VAV3: variants seen among roughly 807,000 people sequenced by gnomAD.
VAV3 encodes guanine nucleotide exchange factor VAV3.
Under a neutral mutation model 131.2 loss-of-function variants are expected in VAV3, and 94 were observed. The ratio of observed to expected loss-of-function variants is 0.72; its 90% CI spans 0.61 to 0.85. The LOEUF is 0.85. Ranked by LOEUF, VAV3 falls within the 40% of genes least tolerant of loss-of-function variation. The pLI, the probability that VAV3 is intolerant of heterozygous loss-of-function variation, is 0.00. For missense variants in VAV3, 939 were observed against 1,002.7 expected (o/e 0.94, Z 0.86); for synonymous variants, 349 against 342.0 (o/e 1.02, Z -0.22).
chr1:107,622,718 G>A (rs75387390), intron 20 of VAV3, among the ~76,000 whole-genome samples: 1 of 152,160 alleles, frequency 6.6e-6, no homozygotes, highest in Non-Finnish European at 1.5e-5. Flanking sequence ...AGATTACTAA[G>A]CAATTTATCA....
At chr1:107,697,187 A>G (rs1659797694) in intron 17 of VAV3, among the ~76,000 whole-genome samples, 1 of 152,146 alleles carries the variant, frequency 6.6e-6, no homozygotes, top group Non-Finnish European at 1.5e-5. Flanking sequence ...CTACTGATGG[A>G]ATGATACAGA....
At position 107,683,485 on chromosome 1, in the gene VAV3, C is replaced by A; in HGVS notation, c.1777+3G>T. 8 of 1,613,976 alleles carry A rather than the reference C, an allele frequency of 5.0e-6. No individual in the cohort carries two copies. The highest frequency in any genetic ancestry group is 6.8e-6 in the Non-Finnish European group (8 of 1,179,880). ...ATTATGGAAGGTTTAATCAGAAACA[C>A]ACCTGGATCCACCTGTTTAGGAGTT... On this transcript the variant is annotated splice_donor_region_variant and intron_variant, in intron 19 of 26. Transcript: ENST00000370056.
intron 18 of VAV3, among the ~76,000 whole-genome samples, chr1:107,683,766 A>G (rs1658822046): frequency 6.6e-6 from 1 of 152,194 alleles, no homozygotes; most frequent in Admixed American, 6.5e-5. Flanking sequence ...TTATAACAGT[A>G]AGAAAAAAAA....
At chr1:107,602,949 G>C in intron 23 of VAV3, 98 bp downstream of exon 23, 2 of 846,020 alleles carry the variant, frequency 2.4e-6, no homozygotes, top group Non-Finnish European at 3.8e-6. Flanking sequence ...CCTTCAATTA[G>C]AACTTTGGTT....
intron 2 of VAV3, among the ~76,000 whole-genome samples, chr1:107,844,630 T>TG (rs1422082892): frequency 6.6e-6 from 1 of 151,992 alleles, no homozygotes; most frequent in Non-Finnish European, 1.5e-5. Context: ...TCCAGCTTGG[T>TG]GGGGGAGGGA....
chr1:107,573,004 T>C lies in VAV3; in HGVS notation c.*327A>G. On this transcript the variant is annotated 3_prime_UTR_variant, in exon 27 of 27. Coordinates refer to ENST00000370056, the MANE Select transcript of VAV3 (RefSeq NM_006113.5). ...ATTTACTGATGACTGGCATTCATGG[T>C]ATCTGACCAGAAGAAGTAAAGGGAA... The C allele has an allele frequency of 3.1e-6, 1 of 320,038 alleles. No homozygotes were observed. The allele number at this position is 320,038 out of a possible 1,614,324, so 19.8% of individuals were successfully genotyped here.
chr1:107,846,607 G>A lies in VAV3; in HGVS notation c.321+28294C>T, dbSNP rs115682595. On this transcript the variant is annotated intron_variant, in intron 2 of 26. Coordinates refer to ENST00000370056, the MANE Select transcript of VAV3 (RefSeq NM_006113.5). ...AAATGGAAACCAAAAATAAAGGAGC[G>A]GTTGCAATCCTAGTCTCTGAGTCTC... Among the ~76,000 whole-genome samples the A allele has an allele frequency of 7.6e-3, 1,154 of 152,092 alleles. 15 individuals carry two copies. Among genetic ancestry groups the A allele is most frequent in the African/African-American group, 0.017 (695 of 41,466 alleles).
At chr1:107,654,392 A>G (rs1656391365) in intron 19 of VAV3, among the ~76,000 whole-genome samples, 1 of 152,024 alleles carries the variant, frequency 6.6e-6, no homozygotes, top group Admixed American at 6.5e-5. Flanking sequence ...TTGGAAATAT[A>G]TATTGTCTCC....
rs1218319448 is a variant in VAV3, at chr1:107,779,442, T to C, written c.372A>G (p.Thr124=). Residue 124 remains threonine, a synonymous_variant, in exon 3 of 27, where the codon ACA becomes ACG. Coordinates refer to ENST00000370056, the MANE Select transcript of VAV3 (RefSeq NM_006113.5). ...ACGAAAACAGAGCTTACCTGATTCC[T>C]GTGGCCAATGCTATAGGTGTTCGAG... is the stretch of plus-strand genomic sequence containing the variant. The part of the protein sequence containing the change: ...RLSRTPIALA[T]GIRPFPTEES... 6.3e-7 allele frequency: 1 copy of C among 1,589,984 alleles called. No individual in the cohort carries two copies. The highest frequency in any genetic ancestry group is 1.8e-5 in the Admixed American group (1 of 57,140).
At chr1:107,676,439 G>C (rs937535262) in intron 19 of VAV3, among the ~76,000 whole-genome samples, 14 of 152,164 alleles carry the variant, frequency 9.2e-5, no homozygotes, top group Non-Finnish European at 2.1e-4. Flanking sequence ...CTCCACATGA[G>C]AAAAACCTCT....
At chr1:107,613,460 A>T (rs1652907406) in intron 21 of VAV3, among the ~76,000 whole-genome samples, 1 of 152,054 alleles carries the variant, frequency 6.6e-6, no homozygotes, top group Non-Finnish European at 1.5e-5. Context: ...TTCCTACACA[A>T]CTGTGTCTGA....
At chr1:107,773,145 GCATT>G (rs1007373206) in intron 4 of VAV3, among the ~76,000 whole-genome samples, 2 of 152,148 alleles carry the variant, frequency 1.3e-5, no homozygotes, top group African/African-American at 2.4e-5. Context: ...GATCAGGTGT[GCATT>G]ATTATTTAAT....
intron 17 of VAV3, among the ~76,000 whole-genome samples, chr1:107,702,784 CCCA>C (rs757748801): frequency 9.6e-5 from 12 of 125,354 alleles, no homozygotes; most frequent in Non-Finnish European, 1.6e-4. Context: ...ACTAAATAAG[CCCA>C]CGTCTTTCAA....
intron 15 of VAV3, among the ~76,000 whole-genome samples, chr1:107,737,350 C>G (rs1662716007): frequency 6.6e-6 from 1 of 152,172 alleles, no homozygotes; most frequent in Non-Finnish European, 1.5e-5. Flanking sequence ...CCAAAATTGA[C>G]AAATGGGATC....
At chr1:107,636,374 A>G (rs1654931841) in intron 20 of VAV3, among the ~76,000 whole-genome samples, 1 of 152,206 alleles carries the variant, frequency 6.6e-6, no homozygotes, top group Admixed American at 6.5e-5. Flanking sequence ...TTCCTAAGCA[A>G]TCTATAAGAA....
At chr1:107,912,184 T>C (rs1053254933) in intron 1 of VAV3, among the ~76,000 whole-genome samples, 1 of 152,118 alleles carries the variant, frequency 6.6e-6, no homozygotes, top group South Asian at 2.1e-4. Flanking sequence ...TTGACAAAAA[T>C]CTCTTTCTGA....
chr1:107,682,341 C>T (rs1658695558), intron 19 of VAV3, among the ~76,000 whole-genome samples: 1 of 152,084 alleles, frequency 6.6e-6, no homozygotes, highest in Non-Finnish European at 1.5e-5. Context: ...AATACTATAA[C>T]TCACACAAAA....
intron 2 of VAV3, among the ~76,000 whole-genome samples, chr1:107,852,497 T>C (rs1669272389): frequency 6.6e-6 from 1 of 152,186 alleles, no homozygotes; most frequent in African/African-American, 2.4e-5. Flanking sequence ...TTAATAAAAC[T>C]GGGGATCATG....
intron 19 of VAV3, among the ~76,000 whole-genome samples, chr1:107,659,646 G>T (rs56675150): frequency 0.02 from 2,999 of 152,102 alleles, 113 homozygotes; most frequent in African/African-American, 0.069. Context: ...AATGTATCCC[G>T]ATTTAGTCAT....
Sources: gnomAD v4.1 joint callset for allele counts (sites outside exome capture counted in the v4.1 genomes callset) on GRCh38, gnomAD v4.1.1 for gene constraint, MANE v1.5 for transcripts, NCBI Gene and HGNC (gene_info 2026-07-23, HGNC 2026-07-21) for gene names.